The following SUGCT variants were observed in gnomAD, a reference collection of about 807,000 sequenced individuals.
SUGCT encodes the protein succinyl-CoA:glutarate CoA-transferase.
A neutral mutation model predicts 55.0 loss-of-function variants in SUGCT; 41 were observed. That is an observed-to-expected ratio of 0.74 (90% CI 0.58 to 0.97). The LOEUF is 0.97. Among genes scored for constraint, SUGCT ranks in the 50% least tolerant of loss-of-function variants. SUGCT has a pLI of 0.00. For synonymous variants in SUGCT, 187 were observed against 200.4 expected, an observed-to-expected ratio of 0.93 and a Z score of 0.56; for missense variants, 568 against 547.8, an observed-to-expected ratio of 1.04 and a Z score of -0.37.
chr7:40,822,822 G>C (rs1349700426), intron 13 of SUGCT, among the ~76,000 whole-genome samples: 1 of 152,084 alleles, frequency 6.6e-6, no homozygotes, highest in African/African-American at 2.4e-5. Flanking sequence ...GAAAATGAGA[G>C]TGTTAAGGAA....
At chr7:40,360,506 C>T (rs1798101098) in intron 9 of SUGCT, among the ~76,000 whole-genome samples, 2 of 152,120 alleles carry the variant, frequency 1.3e-5, no homozygotes. Flanking sequence ...AAGCAATTGC[C>T]TCTGCCCCTA....
chr7:40,290,212 A>G (rs1361614567), intron 8 of SUGCT, among the ~76,000 whole-genome samples: 2 of 152,204 alleles, frequency 1.3e-5, no homozygotes, highest in Middle Eastern at 3.2e-3. Flanking sequence ...ATCCTAAGCC[A>G]AAAGAACAAA....
chr7:40,477,186 A>G (rs1013906095), intron 11 of SUGCT, among the ~76,000 whole-genome samples: 12 of 152,152 alleles, frequency 7.9e-5, no homozygotes, highest in Admixed American at 3.9e-4. Context: ...TTATCATATT[A>G]TACATTCATA....
At chr7:40,690,727 C>G (rs1239933118) in intron 12 of SUGCT, among the ~76,000 whole-genome samples, 1 of 152,076 alleles carries the variant, frequency 6.6e-6, no homozygotes, top group Admixed American at 6.6e-5. Flanking sequence ...TGCCAAGATG[C>G]CTGACTGCCT....
chr7:40,804,597 A>G (rs954658033), intron 13 of SUGCT, among the ~76,000 whole-genome samples: 2 of 152,180 alleles, frequency 1.3e-5, no homozygotes, highest in Non-Finnish European at 2.9e-5. Context: ...CTTTCAATGC[A>G]ATCAGCATTT....
Position 40,697,988 on chromosome 7 carries a change from C to T in SUGCT, c.1090-51446C>T, listed in dbSNP as rs187614671. ...TGCTTGATATGTGCTCAAGATTTTT[C>T]GAAAACAGAGAGGAAGACATTCTGA... On this transcript the variant is annotated intron_variant, in intron 12 of 13. Transcript: ENST00000335693. Among the ~76,000 whole-genome samples the T allele has an allele frequency of 2.2e-3, 336 of 152,270 alleles. 2 individuals carry two copies. Among genetic ancestry groups the T allele is most frequent in the African/African-American group, 7.8e-3 (324 of 41,542 alleles).
Position 40,153,349 on chromosome 7 carries a change from A to G in SUGCT, c.100+18229A>G, listed in dbSNP as rs146385426. The stretch of plus-strand genomic sequence containing the variant: ...GAAATACTGCTTTCCCTCAAATGAG[A>G]CTGGAAGAGATTCTGGGGGTGATGT... On this transcript the variant is annotated intron_variant, in intron 1 of 13. Coordinates refer to ENST00000335693, the MANE Select transcript of SUGCT (RefSeq NM_001193313.2). The G allele has an allele frequency of 2.0e-3, 745 of 364,784 alleles. 4 individuals are homozygous for G. The highest frequency in any genetic ancestry group is 0.015 in the African/African-American group (678 of 46,088). The allele number at this position is 364,784 out of a possible 1,614,324, so 22.6% of individuals were successfully genotyped here. A position where few individuals can be genotyped will look rare whatever the true frequency, so the allele number is the denominator to read the frequency against.
intron 6 of SUGCT, among the ~76,000 whole-genome samples, chr7:40,227,114 T>G (rs1788421281): frequency 6.9e-6 from 1 of 145,644 alleles, no homozygotes; most frequent in Non-Finnish European, 1.5e-5. Context: ...TGGCGCTGTA[T>G]CGGCTCACTG....
At chr7:40,286,912 G>A (rs1046219140) in intron 8 of SUGCT, among the ~76,000 whole-genome samples, 4 of 152,128 alleles carry the variant, frequency 2.6e-5, no homozygotes, top group Non-Finnish European at 5.9e-5. Flanking sequence ...TACTAGTGTT[G>A]TTTTGGTGGA....
the SUGCT span, among the ~76,000 whole-genome samples, chr7:40,959,171 G>A: frequency 6.6e-6 from 1 of 152,208 alleles, no homozygotes; most frequent in Non-Finnish European, 1.5e-5. Flanking sequence ...GAGGCAGTCT[G>A]TCCCTTATCA....
At chr7:40,654,540 A>G (rs1214025398) in intron 12 of SUGCT, among the ~76,000 whole-genome samples, 1 of 152,256 alleles carries the variant, frequency 6.6e-6, no homozygotes, top group East Asian at 1.9e-4. Context: ...TAAACAGAAC[A>G]GAGTGTAACG....
intron 12 of SUGCT, among the ~76,000 whole-genome samples, chr7:40,692,550 T>A (rs556168335): frequency 4.6e-5 from 7 of 152,220 alleles, no homozygotes; most frequent in African/African-American, 1.7e-4. Flanking sequence ...GAGGTGAAAC[T>A]GGATGAGAAA....
At chr7:40,858,482 C>T (rs533633626) in intron 13 of SUGCT, among the ~76,000 whole-genome samples, 4 of 150,196 alleles carry the variant, frequency 2.7e-5, no homozygotes, top group African/African-American at 9.8e-5. Flanking sequence ...TGTCTTGCTT[C>T]AGGTAATTCA....
chr7:40,894,290 A>T, the SUGCT span, among the ~76,000 whole-genome samples: 1 of 152,202 alleles, frequency 6.6e-6, no homozygotes, highest in East Asian at 1.9e-4. Context: ...TATGCAGAAG[A>T]TTGAAAATGG....
chr7:40,557,193 T>A (rs1208889100), intron 12 of SUGCT, among the ~76,000 whole-genome samples: 1 of 152,118 alleles, frequency 6.6e-6, no homozygotes, highest in Non-Finnish European at 1.5e-5. Flanking sequence ...CCACCACACA[T>A]GTGGGGTAAG....
intron 12 of SUGCT, among the ~76,000 whole-genome samples, chr7:40,726,282 A>G (rs1786607579): frequency 6.6e-6 from 1 of 152,158 alleles, no homozygotes; most frequent in South Asian, 2.1e-4. Context: ...TATATACTGT[A>G]TTCTTACTGT....
intron 7 of SUGCT, among the ~76,000 whole-genome samples, chr7:40,268,453 T>C (rs1791757124): frequency 1.3e-5 from 2 of 152,202 alleles, no homozygotes; most frequent in Admixed American, 6.5e-5. Context: ...GCCTAAAATA[T>C]CCCACCGTAT....
At chr7:40,569,940 A>T (rs1796352957) in intron 12 of SUGCT, among the ~76,000 whole-genome samples, 1 of 152,230 alleles carries the variant, frequency 6.6e-6, no homozygotes, top group East Asian at 1.9e-4. Flanking sequence ...TTCACCAATC[A>T]TGAAGTGTGG....
At chr7:40,996,358 G>C in the SUGCT span, among the ~76,000 whole-genome samples, 2 of 152,188 alleles carry the variant, frequency 1.3e-5, no homozygotes, top group Non-Finnish European at 2.9e-5. Context: ...TTCTGCACCT[G>C]TGGGCTGAGC....
Sources: allele counts gnomAD v4.1 joint callset (sites outside exome capture counted in the v4.1 genomes callset), GRCh38; gene constraint gnomAD v4.1.1; transcripts MANE v1.5; gene names NCBI Gene and HGNC (gene_info 2026-07-23, HGNC 2026-07-21).